LRMDA: variants seen among roughly 807,000 people sequenced by gnomAD.
LRMDA encodes leucine-rich melanocyte differentiation-associated protein.
In LRMDA, 18 loss-of-function variants were observed where a neutral mutation model predicts 29.8. That is an observed-to-expected ratio of 0.60 (90% CI 0.42 to 0.90). The LOEUF (loss-of-function observed/expected upper bound fraction) is 0.90. LRMDA is among the 40% of genes least tolerant of loss of function. The pLI is 0.00. For missense variants in LRMDA, 273 were observed against 273.9 expected, an observed-to-expected ratio of 1.00 and a Z score of 0.02; for synonymous variants, 125 against 109.4, an observed-to-expected ratio of 1.14 and a Z score of -0.89.
rs114557098 is a variant in LRMDA at position 75,468,765 on chromosome 10, G to A, written c.131+30271G>A. Among the ~76,000 whole-genome samples the A allele has an allele frequency of 8.7e-3, 1,319 of 152,230 alleles. 16 individuals carry two copies. The highest frequency in any genetic ancestry group is 0.025 in the African/African-American group (1,039 of 41,506). On this transcript the variant is annotated intron_variant, in intron 2 of 6. Transcript: ENST00000611255. ...CTGCTGGGGGTGGAGTGGGGAGATA[G>A]GGGCCTGTCTGCATTACTAGTCCAT...
intron 6 of LRMDA, among the ~76,000 whole-genome samples, chr10:76,508,299 T>G (rs945102054): frequency 6.6e-6 from 1 of 152,174 alleles, no homozygotes; most frequent in African/African-American, 2.4e-5. Context: ...CATGATAATC[T>G]CCTTCACTAA....
At chr10:76,556,711 A>G (rs1027555715) in intron 6 of LRMDA, among the ~76,000 whole-genome samples, 2 of 152,152 alleles carry the variant, frequency 1.3e-5, no homozygotes, top group Admixed American at 1.3e-4. Context: ...TATGTGCTCA[A>G]TGCCTGGTGC....
intron 5 of LRMDA, among the ~76,000 whole-genome samples, chr10:76,172,168 G>A (rs1411436729): frequency 6.6e-6 from 1 of 152,096 alleles, no homozygotes; most frequent in African/African-American, 2.4e-5. Context: ...CTATTCATGA[G>A]GGATCTGCCC....
rs57507869 is a variant in LRMDA at position 75,884,245 on chromosome 10, T to TTGTGTGTGTGTGTGTG, written c.132-151731_132-151716dup. 2.7e-3 allele frequency among the ~76,000 whole-genome samples: 300 copies of TTGTGTGTGTGTGTGTG among 109,532 alleles called. 5 individuals are homozygous for TTGTGTGTGTGTGTGTG. Among genetic ancestry groups the TTGTGTGTGTGTGTGTG allele is most frequent in the Admixed American group, 0.015 (155 of 10,684 alleles). The allele number at this position is 109,532 out of a possible 152,430, so 71.9% of individuals were successfully genotyped here. ...CTAGTGTTTGGAAGGGCAGGCGACT[T>TTGTGTGTGTGTGTGTG]TGTGTGTGTGTGTGTGTGTGTGTGT... On this transcript the variant is annotated intron_variant, in intron 2 of 6. Coordinates refer to ENST00000611255, the MANE Select transcript of LRMDA (RefSeq NM_001305581.2).
At chr10:76,348,170 G>A (rs1007574074) in intron 6 of LRMDA, among the ~76,000 whole-genome samples, 3 of 152,116 alleles carry the variant, frequency 2.0e-5, no homozygotes, top group Non-Finnish European at 2.9e-5. Flanking sequence ...ATGTAGCCCC[G>A]AGGAAAGTAC....
At chr10:75,584,418 A>G (rs1315882192) in intron 2 of LRMDA, among the ~76,000 whole-genome samples, 3 of 152,018 alleles carry the variant, frequency 2.0e-5, no homozygotes, top group Non-Finnish European at 4.4e-5. Context: ...CTTTTTCCCC[A>G]TACAATAACA....
intron 2 of LRMDA, among the ~76,000 whole-genome samples, chr10:75,748,014 A>G (rs1842909482): frequency 6.6e-6 from 1 of 152,192 alleles, no homozygotes; most frequent in Non-Finnish European, 1.5e-5. Context: ...TGCACAGGCG[A>G]CCATCTTCAA....
At chr10:75,962,619 G>A (rs761435609) in intron 2 of LRMDA, among the ~76,000 whole-genome samples, 3 of 152,176 alleles carry the variant, frequency 2.0e-5, no homozygotes, top group African/African-American at 4.8e-5. Flanking sequence ...GTAAATGATC[G>A]CAGCCAATTT....
intron 2 of LRMDA, among the ~76,000 whole-genome samples, chr10:75,449,517 G>A (rs1238063868): frequency 7.8e-6 from 1 of 127,446 alleles, no homozygotes; most frequent in Non-Finnish European, 1.7e-5. Flanking sequence ...GGATTGGGAG[G>A]GAAGTTTCCT....
chr10:75,470,753 G>T (rs372050755), intron 2 of LRMDA, among the ~76,000 whole-genome samples: 14 of 152,192 alleles, frequency 9.2e-5, no homozygotes, highest in African/African-American at 3.4e-4. Flanking sequence ...CGTTGGAACA[G>T]TCACGTCCCA....
intron 2 of LRMDA, among the ~76,000 whole-genome samples, chr10:75,623,064 A>G (rs1259235396): frequency 6.6e-6 from 1 of 152,226 alleles, no homozygotes. Flanking sequence ...TCAAATATAT[A>G]ACTCTGGGGC....
intron 2 of LRMDA, among the ~76,000 whole-genome samples, chr10:75,621,743 G>A (rs569835961): frequency 1.4e-4 from 22 of 152,258 alleles, no homozygotes; most frequent in South Asian, 1.0e-3. Context: ...ACCTTTGAGC[G>A]TGGCTTAGAC....
At chr10:75,970,920 T>C (rs916309629) in intron 2 of LRMDA, among the ~76,000 whole-genome samples, 2 of 152,228 alleles carry the variant, frequency 1.3e-5, no homozygotes, top group African/African-American at 4.8e-5. Context: ...CAGCCATTGT[T>C]ATATTGGGTA....
intron 5 of LRMDA, among the ~76,000 whole-genome samples, chr10:76,183,508 A>G (rs1301043253): frequency 2.6e-5 from 4 of 152,186 alleles, no homozygotes; most frequent in African/African-American, 9.7e-5. Context: ...CCTGAATGGT[A>G]CATTTCTGTT....
intron 5 of LRMDA, among the ~76,000 whole-genome samples, chr10:76,216,739 C>T (rs1851735517): frequency 6.6e-6 from 1 of 152,124 alleles, no homozygotes; most frequent in South Asian, 2.1e-4. Context: ...CAAAATTTCT[C>T]TTTTAAAGTT....
chr10:76,494,531 A>G (rs1196743330), intron 6 of LRMDA, among the ~76,000 whole-genome samples: 1 of 151,706 alleles, frequency 6.6e-6, no homozygotes, highest in Non-Finnish European at 1.5e-5. Flanking sequence ...AGTCTGGCTA[A>G]AGTTACATGG....
chr10:76,557,446 G>A lies in LRMDA; in HGVS notation c.*158G>A. The A allele has an allele frequency of 1.6e-6, 1 of 641,308 alleles. No homozygotes were observed. 39.7% of individuals were successfully genotyped at this position (641,308 alleles called of 1,614,324 possible). ...TGGTACCTTCCGCTGACTTTGCCAG[G>A]CCTGTCAAGATGATCCTTCTGCCTT... On this transcript the variant is annotated 3_prime_UTR_variant, in exon 7 of 7. Coordinates refer to ENST00000611255, the MANE Select transcript of LRMDA (RefSeq NM_001305581.2).
intron 5 of LRMDA, among the ~76,000 whole-genome samples, chr10:76,243,307 A>G (rs1564697937): frequency 6.6e-6 from 1 of 152,224 alleles, no homozygotes; most frequent in East Asian, 1.9e-4. Flanking sequence ...CCCTGTACTC[A>G]TGGGTCTGGT....
intron 2 of LRMDA, among the ~76,000 whole-genome samples, chr10:75,797,809 G>C (rs1412037792): frequency 6.6e-6 from 1 of 152,138 alleles, no homozygotes; most frequent in Non-Finnish European, 1.5e-5. Flanking sequence ...GATGAACAAT[G>C]CTGCCATAAA....
Sources: allele counts gnomAD v4.1 joint callset (sites outside exome capture counted in the v4.1 genomes callset), GRCh38; gene constraint gnomAD v4.1.1; transcripts MANE v1.5; gene names NCBI Gene and HGNC (gene_info 2026-07-23, HGNC 2026-07-21).